The following RYR2 variants were observed in gnomAD, a reference collection of about 807,000 sequenced individuals.
The protein encoded by RYR2 is ryanodine receptor 2, also known as cardiac muscle ryanodine receptor-calcium release channel.
Under a neutral mutation model 601.1 loss-of-function variants are expected in RYR2, and 227 were observed. The observed-to-expected ratio is 0.38, with a 90% confidence interval of 0.34 to 0.42. The LOEUF is 0.42. RYR2 is among the 10% of genes least tolerant of loss of function. The pLI is 1.00. For synonymous variants in RYR2, 2,223 were observed against 2,175.1 expected, an observed-to-expected ratio of 1.02 and a Z score of -0.61; for missense variants, 4,646 against 6,156.5, an observed-to-expected ratio of 0.75 and a Z score of 8.21.
chr1:237,108,927 C>A (rs1669095793), intron 1 of RYR2, among the ~76,000 whole-genome samples: 1 of 152,154 alleles, frequency 6.6e-6, no homozygotes. Context: ...GGAACTGCTT[C>A]ACTAGTTTAT....
intron 1 of RYR2, among the ~76,000 whole-genome samples, chr1:237,067,081 T>A (rs1466484874): frequency 6.6e-6 from 1 of 152,232 alleles, no homozygotes; most frequent in Non-Finnish European, 1.5e-5. Context: ...AAATGTTTTC[T>A]CCTGGTTTGT....
rs938060462 is a variant in RYR2 at position 237,781,857 on chromosome 1, A to G, written c.11962+211A>G. Among the ~76,000 whole-genome samples the G allele has an allele frequency of 2.0e-5, 3 of 152,210 alleles. No individual in the cohort carries two copies. In the East Asian group the frequency reaches 5.8e-4, roughly 29 times the overall value. ...CTCAGTTTACATATCTACAAAATGA[A>G]AATAGTAGTACTTTATAACAGTACT... On this transcript the variant is annotated intron_variant, in intron 89 of 104. Transcript: ENST00000366574.
chr1:237,589,911 T>G lies in RYR2; in HGVS notation c.3717T>G (p.Phe1239Leu). ...GCTTACAAGAGGGCTATGAACCATT[T>G]GCCGTTAATACAAACAGGGATATTA... ...ICGLQEGYEPFAVNTNRDITM... is the reference protein window; with the variant it reads ...ICGLQEGYEPLAVNTNRDITM... Residue 1239 changes from phenylalanine (F) to leucine (L), a missense_variant, in exon 30 of 105, where the codon TTT becomes TTG. Physicochemically the swap from Phe to Leu is conservative, Grantham distance 22. Transcript: ENST00000366574. 1 of 1,613,846 alleles carries G rather than the reference T, an allele frequency of 6.2e-7. No individual in the cohort carries two copies.
chr1:237,297,376 T>G (rs901859856), intron 2 of RYR2, among the ~76,000 whole-genome samples: 10 of 152,172 alleles, frequency 6.6e-5, no homozygotes, highest in African/African-American at 2.2e-4. Context: ...TCAGTGTGTT[T>G]AACACGAGTA....
intron 44 of RYR2, 38 bp downstream of exon 44, chr1:237,635,030 A>G (rs1001851338): frequency 5.8e-6 from 8 of 1,370,518 alleles, no homozygotes; most frequent in South Asian, 1.6e-5. Flanking sequence ...TGTCTGAATT[A>G]TGCTTTTTCA....
intron 1 of RYR2, among the ~76,000 whole-genome samples, chr1:237,123,573 T>C (rs1289668869): frequency 6.6e-6 from 1 of 150,556 alleles, no homozygotes; most frequent in Non-Finnish European, 1.5e-5. Context: ...GGTGACAGAG[T>C]GGGGCCCTCT....
At chr1:237,228,381 G>A (rs554578956) in intron 1 of RYR2, among the ~76,000 whole-genome samples, 2 of 152,208 alleles carry the variant, frequency 1.3e-5, no homozygotes, top group African/African-American at 2.4e-5. Context: ...TTGATTGATG[G>A]GCTTTTGGGC....
At chr1:237,511,296 C>CAAA (rs764004466) in intron 23 of RYR2, among the ~76,000 whole-genome samples, 16 of 88,236 alleles carry the variant, frequency 1.8e-4, no homozygotes, top group Non-Finnish European at 3.1e-4. Context: ...GTGTATGGAC[C>CAAA]AAAAAAAAAA....
At chr1:237,108,666 G>A (rs1290728141) in intron 1 of RYR2, among the ~76,000 whole-genome samples, 1 of 152,202 alleles carries the variant, frequency 6.6e-6, no homozygotes, top group Admixed American at 6.5e-5. Flanking sequence ...GGGGCGTGGA[G>A]GCTGCAGGGT....
chr1:237,052,340 G>T (rs934385270), intron 1 of RYR2, among the ~76,000 whole-genome samples: 6 of 152,098 alleles, frequency 3.9e-5, no homozygotes, highest in Non-Finnish European at 8.8e-5. Context: ...CATGATATTG[G>T]GCTCCAAAAC....
intron 44 of RYR2, among the ~76,000 whole-genome samples, chr1:237,636,672 T>C (rs776922150): frequency 1.3e-5 from 2 of 152,200 alleles, no homozygotes; most frequent in African/African-American, 2.4e-5. Context: ...GCCTTTCCAC[T>C]GCTAACAATT....
At chr1:237,602,830 T>C (rs1325555932) in intron 35 of RYR2, among the ~76,000 whole-genome samples, 1 of 152,188 alleles carries the variant, frequency 6.6e-6, no homozygotes, top group African/African-American at 2.4e-5. Flanking sequence ...TTGAGCATAA[T>C]GAAACTTGTT....
intron 24 of RYR2, among the ~76,000 whole-genome samples, chr1:237,518,384 G>A (rs376857518): frequency 4.7e-4 from 71 of 152,134 alleles, no homozygotes; most frequent in African/African-American, 1.5e-3. Flanking sequence ...CACCCATTAC[G>A]TAATTTCTCA....
rs138491977 is a variant in RYR2 at position 237,227,043 on chromosome 1, G to C, written c.49-43454G>C. 9.1e-3 allele frequency among the ~76,000 whole-genome samples: 1,382 copies of C among 152,242 alleles called. 22 individuals are homozygous for C. The highest frequency in any genetic ancestry group is 0.031 in the African/African-American group (1,308 of 41,552). ...TTTGCAAAGCCTCCCAAAGTGCTGG[G>C]ATTATAGACGTTGAGCCCCTGTGCC... On this transcript the variant is annotated intron_variant, in intron 1 of 104. Coordinates refer to ENST00000366574, the MANE Select transcript of RYR2 (RefSeq NM_001035.3).
intron 1 of RYR2, among the ~76,000 whole-genome samples, chr1:237,225,881 C>A (rs1684310038): frequency 1.3e-5 from 2 of 148,382 alleles, no homozygotes; most frequent in South Asian, 4.2e-4. Flanking sequence ...ATGGTGAAAC[C>A]CTGTCTCTAC....
intron 10 of RYR2, among the ~76,000 whole-genome samples, chr1:237,411,908 C>G (rs185950305): frequency 6.6e-6 from 1 of 152,050 alleles, no homozygotes; most frequent in East Asian, 1.9e-4. Flanking sequence ...TTGGAGGTGT[C>G]GCTTACAATG....
chr1:237,264,030 G>T (rs533083347), intron 1 of RYR2, among the ~76,000 whole-genome samples: 2 of 152,118 alleles, frequency 1.3e-5, no homozygotes, highest in African/African-American at 2.4e-5. Flanking sequence ...TCACAGGTTT[G>T]TGAGCAGCAG....
At chr1:237,274,954 T>G (rs1690110292) in intron 2 of RYR2, among the ~76,000 whole-genome samples, 1 of 152,058 alleles carries the variant, frequency 6.6e-6, no homozygotes, top group African/African-American at 2.4e-5. Context: ...CATTTAGGTT[T>G]GTATTACATA....
intron 25 of RYR2, among the ~76,000 whole-genome samples, chr1:237,543,895 A>C (rs1464388743): frequency 6.6e-6 from 1 of 152,196 alleles, no homozygotes; most frequent in Non-Finnish European, 1.5e-5. Flanking sequence ...GCAACTTAAC[A>C]TGAAAATTCC....
Sources: gnomAD v4.1 joint callset for allele counts (sites outside exome capture counted in the v4.1 genomes callset) on GRCh38, gnomAD v4.1.1 for gene constraint, MANE v1.5 for transcripts, NCBI Gene and HGNC (gene_info 2026-07-23, HGNC 2026-07-21) for gene names.